Variants in CIMIP2C observed in about 807,000 individuals in gnomAD.
The protein encoded by CIMIP2C is UPF0573 protein C2orf70.
At chr2:26,577,810 G>A in the CIMIP2C span, 13 of 544,106 alleles carry the variant, frequency 2.4e-5, no homozygotes, top group East Asian at 3.3e-4. Flanking sequence ...GCCTCAGGGG[G>A]GATGGTGGTA....
At chr2:26,573,525 A>C in the CIMIP2C span, among the ~76,000 whole-genome samples, 3 of 146,556 alleles carry the variant, frequency 2.0e-5, no homozygotes, top group Non-Finnish European at 4.4e-5. Context: ...CTCCAGACCC[A>C]GGAGTGGCGC....
At chr2:26,577,674 C>A in the CIMIP2C span, 1 of 1,398,258 alleles carries the variant, frequency 7.2e-7, no homozygotes, top group Non-Finnish European at 1.0e-6. Context: ...GAAACGCACC[C>A]ATGGGGCACC....
At chr2:26,574,742 A>T in the CIMIP2C span, among the ~76,000 whole-genome samples, 1 of 152,264 alleles carries the variant, frequency 6.6e-6, no homozygotes, top group African/African-American at 2.4e-5. Context: ...AGCAACAGAA[A>T]GGAGCAAAGG....
At chr2:26,570,417 T>C in the CIMIP2C span, among the ~76,000 whole-genome samples, 1 of 152,180 alleles carries the variant, frequency 6.6e-6, no homozygotes, top group Non-Finnish European at 1.5e-5. Context: ...CCAGTGAACA[T>C]TTGTTGAGCA....
At chr2:26,565,017 T>C in the CIMIP2C span, among the ~76,000 whole-genome samples, 3 of 150,128 alleles carry the variant, frequency 2.0e-5, no homozygotes, top group African/African-American at 7.4e-5. Context: ...CACAACATTT[T>C]CTTCTTCTTC....
the CIMIP2C span, chr2:26,579,270 C>T: frequency 6.2e-7 from 1 of 1,612,240 alleles, no homozygotes; most frequent in South Asian, 1.1e-5. Flanking sequence ...CACTGCATAA[C>T]ACCAGTCCCA....
chr2:26,562,666 GC>G, the CIMIP2C span: 2 of 1,580,476 alleles, frequency 1.3e-6, no homozygotes, highest in Non-Finnish European at 8.6e-7. Context: ...CCGCCTACGT[GC>G]CCCCTGGACT....
the CIMIP2C span, chr2:26,577,920 T>C: frequency 2.5e-6 from 1 of 402,354 alleles, no homozygotes; most frequent in African/African-American, 2.1e-5. Context: ...TGCGGACTGA[T>C]GCCCCGCCTG....
At chr2:26,575,604 CA>C in the CIMIP2C span, among the ~76,000 whole-genome samples, 1 of 152,192 alleles carries the variant, frequency 6.6e-6, no homozygotes, top group African/African-American at 2.4e-5. Flanking sequence ...CTGAGCAGGT[CA>C]GTGCACCTGG....
the CIMIP2C span, chr2:26,578,880 C>T: frequency 4.2e-6 from 2 of 472,278 alleles, no homozygotes; most frequent in Non-Finnish European, 8.8e-6. Flanking sequence ...GGGCAAGCCC[C>T]TCCCTCCCGG....
chr2:26,577,177 C>T, the CIMIP2C span, among the ~76,000 whole-genome samples: 2 of 152,190 alleles, frequency 1.3e-5, no homozygotes, highest in South Asian at 2.1e-4. Context: ...ACAGGCCAGG[C>T]GGACATGGTG....
At chr2:26,578,827 G>T in the CIMIP2C span, 1 of 471,308 alleles carries the variant, frequency 2.1e-6, no homozygotes, top group South Asian at 1.5e-5. Context: ...GAACGCAAAG[G>T]GCCAACCAGG....
the CIMIP2C span, among the ~76,000 whole-genome samples, chr2:26,564,139 A>C: frequency 1.3e-5 from 2 of 152,200 alleles, no homozygotes; most frequent in African/African-American, 4.8e-5. Flanking sequence ...GTTCAAATCC[A>C]TTTTTGCAGC....
chr2:26,562,780 G>A, the CIMIP2C span: 2 of 1,125,056 alleles, frequency 1.8e-6, no homozygotes, highest in Non-Finnish European at 2.6e-6. Context: ...CTTTGGGGTT[G>A]AAGGAACCCC....
At chr2:26,569,397 C>G in the CIMIP2C span, among the ~76,000 whole-genome samples, 8 of 152,172 alleles carry the variant, frequency 5.3e-5, no homozygotes, top group African/African-American at 1.7e-4. Context: ...CACCTGGCCC[C>G]GCTTGTGCTT....
chr2:26,576,305 G>A, the CIMIP2C span: 1 of 1,150,988 alleles, frequency 8.7e-7, no homozygotes, highest in Non-Finnish European at 1.2e-6. Flanking sequence ...CTTTCTCAGA[G>A]CCCCTGAGCC....
the CIMIP2C span, chr2:26,576,058 C>A: frequency 6.2e-7 from 1 of 1,614,222 alleles, no homozygotes; most frequent in Non-Finnish European, 8.5e-7. Context: ...TCTCCACCAA[C>A]CCCAACCTCC....
chr2:26,577,523 A>G, the CIMIP2C span: 12 of 1,613,958 alleles, frequency 7.4e-6, no homozygotes, highest in Non-Finnish European at 1.0e-5. Context: ...TAGATGGTCC[A>G]GCAGCATCGG....
the CIMIP2C span, among the ~76,000 whole-genome samples, chr2:26,567,456 C>T: frequency 2.0e-5 from 3 of 152,230 alleles, no homozygotes; most frequent in Non-Finnish European, 4.4e-5. Flanking sequence ...GTCAATTAAA[C>T]CTCTTTCCTT....
Sources: allele counts gnomAD v4.1 joint callset (sites outside exome capture counted in the v4.1 genomes callset), GRCh38; gene constraint gnomAD v4.1.1; transcripts MANE v1.5; gene names NCBI Gene and HGNC (gene_info 2026-07-23, HGNC 2026-07-21).